The following HHLA2 variants were observed in gnomAD, a reference collection of about 807,000 sequenced individuals.
The protein encoded by HHLA2 is HHLA2 member of B7 family.
Under a neutral mutation model 45.9 loss-of-function variants are expected in HHLA2, and 48 were observed. The ratio of observed to expected loss-of-function variants is 1.05; its 90% confidence interval spans 0.83 to 1.33. The LOEUF (loss-of-function observed/expected upper bound fraction) is 1.33, where lower values mean the gene tolerates loss of function less well. HHLA2 is among the 40% of genes most tolerant of loss of function. HHLA2 has a pLI of 0.00. For synonymous variants in HHLA2, 161 were observed against 173.9 expected, an observed-to-expected ratio of 0.93 and a Z score of 0.59; for missense variants, 462 against 494.3, an observed-to-expected ratio of 0.93 and a Z score of 0.62.
intron 3 of HHLA2, among the ~76,000 whole-genome samples, chr3:108,344,948 A>G (rs2081636535): frequency 6.6e-6 from 1 of 152,222 alleles, no homozygotes; most frequent in Admixed American, 6.6e-5. Flanking sequence ...GAGCTGGAAA[A>G]TGGTCCCTGG....
chr3:108,317,756 G>A lies in HHLA2; in HGVS notation c.-105+7015G>A, dbSNP rs567279141. On this transcript the variant is annotated intron_variant, in intron 2 of 10. Transcript: ENST00000619531. ...CAGCTGGCTAATTTTTGTATTTTTA[G>A]TAGAGACAAGGTTTCACCATGTTGG... is the stretch of plus-strand genomic sequence containing the variant. 1.7e-3 allele frequency among the ~76,000 whole-genome samples: 254 copies of A among 151,952 alleles called. 1 individual carries two copies. The highest frequency in any genetic ancestry group is 0.014 in the Middle Eastern group (4 of 292).
At chr3:108,358,592 C>T (rs1227710843) in intron 7 of HHLA2, among the ~76,000 whole-genome samples, 1 of 152,166 alleles carries the variant, frequency 6.6e-6, no homozygotes, top group Non-Finnish European at 1.5e-5. Flanking sequence ...GAAATAGTCA[C>T]CACACAATAT....
At chr3:108,298,267 C>T (rs1373491975) in intron 1 of HHLA2, among the ~76,000 whole-genome samples, 1 of 152,178 alleles carries the variant, frequency 6.6e-6, no homozygotes, top group Non-Finnish European at 1.5e-5. Context: ...ACCTGACTCT[C>T]CTAGAAAAGA....
chr3:108,377,065 G>C (rs575704304), intron 10 of HHLA2, 193 bp from the exon 10 acceptor site: 1 of 551,504 alleles, frequency 1.8e-6, no homozygotes, highest in South Asian at 2.7e-5. Context: ...AGCTAGTAGG[G>C]AGATTAAAAT....
chr3:108,340,970 T>C, intron 3 of HHLA2, among the ~76,000 whole-genome samples: 1 of 145,514 alleles, frequency 6.9e-6, no homozygotes, highest in Admixed American at 7.2e-5. Flanking sequence ...CTTTTCTTTC[T>C]TTCATGGAGT....
chr3:108,328,681 G>T (rs893091040), intron 3 of HHLA2, among the ~76,000 whole-genome samples: 1 of 152,160 alleles, frequency 6.6e-6, no homozygotes, highest in African/African-American at 2.4e-5. Context: ...GGGGAGGGCA[G>T]TTAGGAGTGG....
At chr3:108,316,825 C>T (rs928337893) in intron 2 of HHLA2, among the ~76,000 whole-genome samples, 3 of 151,990 alleles carry the variant, frequency 2.0e-5, no homozygotes, top group East Asian at 1.9e-4. Flanking sequence ...TGTCAGTTCA[C>T]GAAAACCATT....
chr3:108,298,286 A>AC (rs2080795932), intron 1 of HHLA2, among the ~76,000 whole-genome samples: 1 of 152,198 alleles, frequency 6.6e-6, no homozygotes, highest in Non-Finnish European at 1.5e-5. Flanking sequence ...GAAAATGAGG[A>AC]TCCAAGTCCA....
intron 4 of HHLA2, among the ~76,000 whole-genome samples, 178 bp downstream of exon 3, chr3:108,352,055 A>G (rs1177503085): frequency 1.3e-5 from 2 of 151,720 alleles, no homozygotes; most frequent in Non-Finnish European, 2.9e-5. Flanking sequence ...AATTATATAT[A>G]TTTTTTCTGT....
chr3:108,341,621 A>G (rs748082737), intron 3 of HHLA2, among the ~76,000 whole-genome samples: 20 of 152,154 alleles, frequency 1.3e-4, no homozygotes, highest in Non-Finnish European at 2.4e-4. Flanking sequence ...AAAAAAACAG[A>G]GCCCAGTTCT....
chr3:108,297,894 G>A lies in HHLA2; in HGVS notation c.-192+1295G>A, dbSNP rs780384589. On this transcript the variant is annotated intron_variant, in intron 1 of 10. Transcript: ENST00000619531. The stretch of plus-strand genomic sequence containing the variant: ...CTGGTCAGTGACCGGTGTAGGTCAC[G>A]TAGTACAGCATTAAACAAGGTGTTT... Among the ~76,000 whole-genome samples, 5 of 152,202 alleles carry A rather than the reference G, an allele frequency of 3.3e-5. No individual in the cohort carries two copies. In the East Asian group the frequency reaches 7.7e-4, roughly 23 times the overall value.
chr3:108,368,513 T>C (rs1374878646), intron 8 of HHLA2, among the ~76,000 whole-genome samples: 6 of 99,722 alleles, frequency 6.0e-5, no homozygotes, highest in Middle Eastern at 9.6e-3. Context: ...GATGGAGGAA[T>C]ATTTACCAAG....
At chr3:108,372,707 T>C (rs1381639471) in intron 8 of HHLA2, among the ~76,000 whole-genome samples, 1 of 151,942 alleles carries the variant, frequency 6.6e-6, no homozygotes, top group East Asian at 1.9e-4. Context: ...CACCTCTACG[T>C]GAATAAACTA....
chr3:108,350,747 C>T (rs1253857448), intron 3 of HHLA2, among the ~76,000 whole-genome samples: 3 of 152,104 alleles, frequency 2.0e-5, no homozygotes, highest in African/African-American at 7.2e-5. Flanking sequence ...TGCAGTGGTA[C>T]AATCTCGCCT....
At chr3:108,369,705 T>A (rs750115894) in intron 8 of HHLA2, among the ~76,000 whole-genome samples, 89 of 152,170 alleles carry the variant, frequency 5.8e-4, no homozygotes, top group Non-Finnish European at 1.1e-3. Context: ...CCACGGAGTC[T>A]CGCTCATTGC....
At chr3:108,374,893 T>C (rs2082245145) in intron 8 of HHLA2, among the ~76,000 whole-genome samples, 1 of 147,948 alleles carries the variant, frequency 6.8e-6, no homozygotes, top group Admixed American at 6.8e-5. Flanking sequence ...GACTGTAAAC[T>C]AGTTCAACCA....
intron 2 of HHLA2, 89 bp downstream of exon 2, chr3:108,310,830 G>A (rs1488043630): frequency 1.3e-5 from 2 of 152,554 alleles, no homozygotes; most frequent in African/African-American, 4.8e-5. Flanking sequence ...GACATATTCA[G>A]TCATCATCTT....
intron 3 of HHLA2, among the ~76,000 whole-genome samples, chr3:108,340,279 A>C (rs999684868): frequency 1.6e-4 from 25 of 152,338 alleles, no homozygotes; most frequent in African/African-American, 6.0e-4. Flanking sequence ...AGAGATTGGA[A>C]GCCAATGCAA....
intron 2 of HHLA2, chr3:108,325,801 A>T (rs186222062): frequency 1.5e-4 from 47 of 313,986 alleles, no homozygotes; most frequent in African/African-American, 1.0e-3. Context: ...AGTTTCCTCT[A>T]CTACCAAAGT....
Sources: gnomAD v4.1 joint callset for allele counts (sites outside exome capture counted in the v4.1 genomes callset) on GRCh38, gnomAD v4.1.1 for gene constraint, MANE v1.5 for transcripts, NCBI Gene and HGNC (gene_info 2026-07-23, HGNC 2026-07-21) for gene names.